Variants in SPTA1 observed in about 807,000 individuals in gnomAD.
The protein encoded by SPTA1 is spectrin alpha chain, erythrocytic 1.
In SPTA1, 177 loss-of-function variants were observed where a neutral mutation model predicts 324.7. That is an observed-to-expected ratio of 0.55 (90% confidence interval 0.48 to 0.62). SPTA1 has a LOEUF of 0.62. SPTA1 is among the 20% of genes least tolerant of loss of function. The pLI is 0.00. For synonymous variants in SPTA1, 1,195 were observed against 1,041.3 expected (o/e 1.15, Z -2.84); for missense variants, 3,162 against 2,883.6 (o/e 1.10, Z -2.21).
In SPTA1 at chr1:158,613,844, C is replaced by G; in HGVS notation, c.6866G>C (p.Gly2289Ala). Residue 2289 changes from glycine to alanine, a missense_variant, in exon 50 of 52, where the codon GGG becomes GCG. Transcript: ENST00000643759. ...IYKHFDENLT[G>A]RLTHKEFRSC... ...CCGGAACTCTTTGTGAGTCAGGCGC[C>G]CTGTCAAATTCTCATCAAAGTGTCT... is the stretch of plus-strand genomic sequence containing the variant. The G allele has an allele frequency of 6.2e-7, 1 of 1,613,494 alleles. No homozygotes were observed. The highest frequency in any genetic ancestry group is 8.5e-7 in the Non-Finnish European group (1 of 1,179,852).
In SPTA1 at chr1:158,626,954, C is replaced by A. The variant is rs1202277414; in HGVS notation, c.5718G>T (p.Leu1906=). Residue 1906 remains leucine (L), a synonymous_variant, in exon 41 of 52, where the codon CTG becomes CTT. Transcript: ENST00000643759. ...TAGCCAGAGAAGGGGTCTTTTCATTCAGAGCCTCTATCTTGGAAGAAATCT... is the reference window on the plus strand; with the variant it reads ...TAGCCAGAGAAGGGGTCTTTTCATTAAGAGCCTCTATCTTGGAAGAAATCT... ...NKEISSKIEA[L]NEKTPSLAKA... 1.2e-6 allele frequency: 2 copies of A among 1,613,936 alleles called. No individual in the cohort carries two copies. Among genetic ancestry groups the A allele is most frequent in the Admixed American group, 1.7e-5 (1 of 60,006 alleles).
Position 158,657,495 on chromosome 1 carries a change from A to G in SPTA1, c.2787T>C (p.Ala929=). ...ACCTTACCCCAGCTGCTTCTTCATC[A>G]GCACCATAGTTAGTATTATCTACAA... ...EPIVDNTNYG[A]DEEAAGALLK... Residue 929 remains alanine, a synonymous_variant, in exon 19 of 52, where the codon GCT becomes GCC. Transcript: ENST00000643759. 1 of 1,613,870 alleles carries G rather than the reference A, an allele frequency of 6.2e-7. No homozygotes were observed. Among genetic ancestry groups the G allele is most frequent in the East Asian group, 2.2e-5 (1 of 44,852 alleles).
chr1:158,654,245 T>C (rs574881750), intron 21 of SPTA1, among the ~76,000 whole-genome samples: 1 of 152,260 alleles, frequency 6.6e-6, no homozygotes, highest in Admixed American at 6.5e-5. Flanking sequence ...CCCCAGACAT[T>C]GTTATTTTAT....
chr1:158,648,206 C>T (rs1652141982), intron 26 of SPTA1, among the ~76,000 whole-genome samples: 1 of 152,166 alleles, frequency 6.6e-6, no homozygotes, highest in Admixed American at 6.5e-5. Context: ...TTCTTCTGGG[C>T]TACTGGCCTC....
chr1:158,634,173 A>C (rs1399792137), intron 39 of SPTA1, among the ~76,000 whole-genome samples: 1 of 152,232 alleles, frequency 6.6e-6, no homozygotes, highest in Non-Finnish European at 1.5e-5. Context: ...TCCAGACATA[A>C]GAAGATTTTT....
Position 158,649,928 on chromosome 1 carries a change from C to A in SPTA1, c.3497G>T (p.Gly1166Val), listed in dbSNP as rs1415906428. ...TTCATCTGCAAGCCTCTGCAAAGAA[C>A]CCCAGCGGGAATTCAATTCCTAAAA... ...QIRQELNSRW[G>V]SLQRLADEQR... Residue 1166 changes from glycine to valine, a missense_variant, in exon 25 of 52, where the codon GGT (glycine) becomes GTT (valine). Physicochemically the swap from Gly to Val is moderately radical, Grantham distance 109. Coordinates refer to ENST00000643759, the MANE Select transcript of SPTA1 (RefSeq NM_003126.4). 6 of 1,613,510 alleles carry A rather than the reference C, an allele frequency of 3.7e-6. No individual in the cohort carries two copies. The highest frequency in any genetic ancestry group is 2.2e-5 in the East Asian group (1 of 44,852).
At chr1:158,636,170 A>C (rs1050532279) in intron 37 of SPTA1, 136 bp from the exon 38 acceptor site, 1 of 1,473,818 alleles carries the variant, frequency 6.8e-7, no homozygotes, top group South Asian at 1.2e-5. Flanking sequence ...GAGGGTCCTG[A>C]AAGTCCAGGG....
chr1:158,658,050 T>C (rs545167165), intron 18 of SPTA1, among the ~76,000 whole-genome samples: 23 of 152,280 alleles, frequency 1.5e-4, no homozygotes, highest in African/African-American at 5.5e-4. Flanking sequence ...GAGTTATTAC[T>C]ATGAGAGTTG....
rs1195552988 is a variant in SPTA1, at chr1:158,678,510, T to C, written c.703A>G (p.Ile235Val). The C allele has an allele frequency of 6.2e-7, 1 of 1,613,484 alleles. No homozygotes were observed. The highest frequency in any genetic ancestry group is 8.5e-7 in the Non-Finnish European group (1 of 1,179,706). ...AEENHPDLPL[I>V]QSKQNEVNAA... ...TTCACCTCATTTTGCTTAGACTGAA[T>C]TAAGGGTAGGTCAGGATGGTTTTCC... Residue 235 changes from isoleucine (I) to valine (V), a missense_variant, in exon 6 of 52, where the codon ATT becomes GTT. By Grantham distance (29) the Ile-to-Val change is conservative (BLOSUM62 3). Transcript: ENST00000643759.
intron 6 of SPTA1, 145 bp from the exon 7 acceptor site, chr1:158,677,979 A>C: frequency 9.8e-7 from 1 of 1,025,448 alleles, no homozygotes; most frequent in Non-Finnish European, 1.4e-6. Flanking sequence ...AAGTAATATA[A>C]AATGTTCTTA....
Position 158,668,075 on chromosome 1 carries a change from GAAAAAA to G in SPTA1, c.1834-19_1834-14del. On this transcript the variant is annotated splice_polypyrimidine_tract_variant and intron_variant, in intron 14 of 51. Coordinates refer to ENST00000643759, the MANE Select transcript of SPTA1 (RefSeq NM_003126.4). ...AGTTCTGTATGTCCTGAGATAAGAT[GAAAAAA>G]AAAAAAAAAACCATTACCTGAAGAA... 1.4e-6 allele frequency: 2 copies of G among 1,476,226 alleles called. No homozygotes were observed. The highest frequency in any genetic ancestry group is 1.2e-5 in the South Asian group (1 of 82,456). 91.4% of individuals were successfully genotyped at this position (1,476,226 alleles called of 1,614,324 possible).
intron 42 of SPTA1, among the ~76,000 whole-genome samples, chr1:158,623,668 T>C (rs1192432787): frequency 6.6e-6 from 1 of 152,200 alleles, no homozygotes; most frequent in Non-Finnish European, 1.5e-5. Flanking sequence ...CCTTCCGCCA[T>C]GATTATAAGT....
chr1:158,629,835 G>T (rs1012415123), intron 39 of SPTA1, among the ~76,000 whole-genome samples: 2 of 151,106 alleles, frequency 1.3e-5, no homozygotes, highest in Non-Finnish European at 3.0e-5. Flanking sequence ...CATAAAAGTC[G>T]GTTTAGAAAT....
chr1:158,686,279 T>C (rs1271598182), intron 1 of SPTA1, among the ~76,000 whole-genome samples: 1 of 152,210 alleles, frequency 6.6e-6, no homozygotes. Flanking sequence ...TTATTCTCTC[T>C]GGGAACCGAC....
rs554847453 is a variant in SPTA1, at chr1:158,644,770, A to G, written c.4195-374T>C. On this transcript the variant is annotated intron_variant, in intron 29 of 51. Transcript: ENST00000643759. ...TTTTTTAGCCTCAAAGCACTCGTAC[A>G]TTTTGGTTTATTAATAATCATCTCA... 2.6e-5 allele frequency among the ~76,000 whole-genome samples: 4 copies of G among 152,154 alleles called. No individual in the cohort carries two copies. In the South Asian group the frequency reaches 8.3e-4, roughly 32 times the overall value.
intron 5 of SPTA1, among the ~76,000 whole-genome samples, chr1:158,679,465 C>T (rs1160165921): frequency 3.3e-5 from 5 of 152,108 alleles, no homozygotes; most frequent in African/African-American, 9.7e-5. Flanking sequence ...AGTTCCAGCA[C>T]CTAGGCCTCA....
intron 22 of SPTA1, 89 bp from the exon 23 acceptor site, chr1:158,652,742 C>CA: frequency 6.9e-7 from 1 of 1,442,706 alleles, no homozygotes; most frequent in South Asian, 1.2e-5. Flanking sequence ...AAAGAAGGAA[C>CA]AAAAATGAAA....
At chr1:158,643,212 A>T in intron 31 of SPTA1, 110 bp downstream of exon 31, 1 of 1,323,492 alleles carries the variant, frequency 7.6e-7, no homozygotes, top group Non-Finnish European at 1.1e-6. Flanking sequence ...AGATAGTTTT[A>T]GTCACCTAGA....
intron 3 of SPTA1, 116 bp from the exon 4 acceptor site, chr1:158,681,783 T>A: frequency 7.6e-7 from 1 of 1,307,930 alleles, no homozygotes; most frequent in Admixed American, 1.9e-5. Context: ...ACTCATGCAT[T>A]AGTTGCTCAA....
Sources: gnomAD v4.1 joint callset for allele counts (sites outside exome capture counted in the v4.1 genomes callset) on GRCh38, gnomAD v4.1.1 for gene constraint, MANE v1.5 for transcripts, NCBI Gene and HGNC (gene_info 2026-07-23, HGNC 2026-07-21) for gene names.